The following PDE3A variants were observed in gnomAD, a reference collection of about 807,000 sequenced individuals.
PDE3A encodes phosphodiesterase 3A.
Under a neutral mutation model 98.3 loss-of-function variants are expected in PDE3A, and 43 were observed. The observed-to-expected ratio is 0.44, with a 90% CI of 0.34 to 0.56. PDE3A has a LOEUF of 0.56. Among genes scored for constraint, PDE3A ranks in the 20% least tolerant of loss-of-function variants. PDE3A has a pLI of 0.01. For missense variants in PDE3A, 1,427 were observed against 1,440.7 expected, an observed-to-expected ratio of 0.99 and a Z score of 0.15; for synonymous variants, 663 against 567.9, an observed-to-expected ratio of 1.17 and a Z score of -2.38.
At chr12:20,634,127 T>C (rs1944447012) in intron 7 of PDE3A, among the ~76,000 whole-genome samples, 1 of 152,198 alleles carries the variant, frequency 6.6e-6, no homozygotes, top group African/African-American at 2.4e-5. Context: ...AATACATTTA[T>C]ACATGTGTAT....
chr12:20,505,489 C>T (rs1384210519), intron 1 of PDE3A, among the ~76,000 whole-genome samples: 1 of 151,972 alleles, frequency 6.6e-6, no homozygotes, highest in African/African-American at 2.4e-5. Context: ...CAAGGGGGCT[C>T]TTTTGTACTG....
At chr12:20,555,142 A>G (rs1040493855) in intron 1 of PDE3A, among the ~76,000 whole-genome samples, 3 of 151,660 alleles carry the variant, frequency 2.0e-5, no homozygotes, top group Non-Finnish European at 4.4e-5. Flanking sequence ...CCCCGCCTCA[A>G]CCTCCCAAGT....
Position 20,536,341 on chromosome 12 carries a change from G to GGTGT in PDE3A, c.961-20303_961-20300dup, listed in dbSNP as rs56788789. On this transcript the variant is annotated intron_variant, in intron 1 of 15. Transcript: ENST00000359062. ...TCCTCAAGGAGATCCTTTACTGTGAGGTGTGTGTGTGTGTGTGTGCATAGA... is the reference window on the plus strand; with the variant it reads ...TCCTCAAGGAGATCCTTTACTGTGAGGTGTGTGTGTGTGTGTGTGTGTGCATAGA... Among the ~76,000 whole-genome samples the GGTGT allele has an allele frequency of 3.3e-5, 5 of 150,706 alleles. No individual in the cohort carries two copies. The East Asian group carries it at 5.9e-4, about 18-fold the overall frequency.
chr12:20,540,646 A>G (rs1317295056), intron 1 of PDE3A, among the ~76,000 whole-genome samples: 1 of 152,052 alleles, frequency 6.6e-6, no homozygotes, highest in Non-Finnish European at 1.5e-5. Flanking sequence ...ATCATGTTTG[A>G]ATGTGTTTCT....
In PDE3A at chr12:20,684,862, A is replaced by G. The variant is rs1022421638; in HGVS notation, c.*4591A>G. On this transcript the variant is annotated 3_prime_UTR_variant, in exon 16 of 16. Transcript: ENST00000359062. ...CAATGAGTTGAGCTAAAAACTATAC[A>G]TAACTTAAATTGAGATTTGCATACG... Among the ~76,000 whole-genome samples, 8 of 152,374 alleles carry G rather than the reference A, an allele frequency of 5.3e-5. No individual in the cohort carries two copies. In the East Asian group the frequency reaches 1.5e-3, roughly 29 times the overall value.
chr12:20,383,229 G>A (rs1275840743), intron 1 of PDE3A, among the ~76,000 whole-genome samples: 1 of 151,774 alleles, frequency 6.6e-6, no homozygotes, highest in African/African-American at 2.4e-5. Flanking sequence ...AATTTGACTT[G>A]TACTCTAGCT....
intron 15 of PDE3A, among the ~76,000 whole-genome samples, chr12:20,677,130 A>C (rs573017509): frequency 5.9e-5 from 9 of 152,160 alleles, no homozygotes; most frequent in African/African-American, 1.9e-4. Flanking sequence ...TATTGTTAAA[A>C]CTTTTGAATG....
intron 1 of PDE3A, among the ~76,000 whole-genome samples, chr12:20,518,751 G>A (rs758205529): frequency 1.3e-4 from 20 of 152,054 alleles, no homozygotes; most frequent in Non-Finnish European, 2.9e-4. Flanking sequence ...GGATTTAAAT[G>A]AACAGAGGCA....
chr12:20,522,765 C>T (rs1157458972), intron 1 of PDE3A, among the ~76,000 whole-genome samples: 3 of 151,950 alleles, frequency 2.0e-5, no homozygotes, highest in Non-Finnish European at 2.9e-5. Flanking sequence ...CTACTGATCT[C>T]TGATGTTACC....
intron 1 of PDE3A, among the ~76,000 whole-genome samples, chr12:20,520,058 C>G (rs911089970): frequency 6.6e-5 from 10 of 152,104 alleles, no homozygotes; most frequent in Non-Finnish European, 8.8e-5. Flanking sequence ...AGCTTTGAAC[C>G]TAGGTATGTT....
chr12:20,562,411 G>T (rs1219388151), intron 2 of PDE3A, among the ~76,000 whole-genome samples: 6 of 151,582 alleles, frequency 4.0e-5, no homozygotes, highest in African/African-American at 1.5e-4. Flanking sequence ...ATAGAGACAG[G>T]GTTTCACCAT....
At chr12:20,563,962 G>T (rs889090737) in intron 2 of PDE3A, among the ~76,000 whole-genome samples, 6 of 151,986 alleles carry the variant, frequency 3.9e-5, no homozygotes, top group Non-Finnish European at 5.9e-5. Flanking sequence ...TCTTTAATTT[G>T]CATTGACAAA....
At chr12:20,375,236 A>G (rs1047387886) in intron 1 of PDE3A, among the ~76,000 whole-genome samples, 3 of 152,058 alleles carry the variant, frequency 2.0e-5, no homozygotes, top group Non-Finnish European at 2.9e-5. Context: ...GATGTGTTCC[A>G]TTAATGTTCA....
chr12:20,523,371 G>A (rs961679505), intron 1 of PDE3A, among the ~76,000 whole-genome samples: 1 of 152,182 alleles, frequency 6.6e-6, no homozygotes, highest in African/African-American at 2.4e-5. Flanking sequence ...TATGCAGAGA[G>A]CATACACAAT....
At chr12:20,440,641 A>G (rs1944855772) in intron 1 of PDE3A, among the ~76,000 whole-genome samples, 1 of 152,216 alleles carries the variant, frequency 6.6e-6, no homozygotes, top group Admixed American at 6.5e-5. Context: ...GGTATCAAGG[A>G]ACAGTAGGTT....
intron 1 of PDE3A, among the ~76,000 whole-genome samples, chr12:20,545,201 AG>A (rs1386769797): frequency 6.6e-6 from 1 of 152,092 alleles, no homozygotes; most frequent in East Asian, 1.9e-4. Context: ...GATTAGTGGC[AG>A]CATATAGGTT....
chr12:20,504,351 T>C (rs183541627), intron 1 of PDE3A, among the ~76,000 whole-genome samples: 16 of 150,470 alleles, frequency 1.1e-4, no homozygotes, highest in Non-Finnish European at 1.9e-4. Context: ...CTGATACATT[T>C]TAGACTTTCA....
intron 1 of PDE3A, among the ~76,000 whole-genome samples, chr12:20,376,754 T>A (rs1400862760): frequency 6.6e-6 from 1 of 151,878 alleles, no homozygotes; most frequent in African/African-American, 2.4e-5. Flanking sequence ...TTTCACCTGT[T>A]ATTTTGCAGT....
rs1271383084 is a variant in PDE3A, at chr12:20,686,905, A to T, written c.*6634A>T. Among the ~76,000 whole-genome samples the T allele has an allele frequency of 6.6e-6, 1 of 152,136 alleles. No homozygotes were observed. Among genetic ancestry groups the T allele is most frequent in the Non-Finnish European group, 1.5e-5 (1 of 67,994 alleles). ...CTACATAAAATTTGCAGGGTATCCC[A>T]GGACACCCCTCAGTCTTTAATACAA... On this transcript the variant is annotated 3_prime_UTR_variant, in exon 16 of 16. Transcript: ENST00000359062.
Sources: allele counts gnomAD v4.1 joint callset (sites outside exome capture counted in the v4.1 genomes callset), GRCh38; gene constraint gnomAD v4.1.1; transcripts MANE v1.5; gene names NCBI Gene and HGNC (gene_info 2026-07-23, HGNC 2026-07-21).